The following ANK2 variants were observed in gnomAD, a reference collection of about 807,000 sequenced individuals.
ANK2 encodes the protein ankyrin-2.
Under a neutral mutation model 360.5 loss-of-function variants are expected in ANK2, and 83 were observed. The ratio of observed to expected loss-of-function variants is 0.23; its 90% CI spans 0.19 to 0.28. The LOEUF is 0.28. ANK2 is among the 10% of genes least tolerant of loss of function. The pLI is 1.00. For missense variants in ANK2, 4,201 were observed against 4,795.7 expected (o/e 0.88, Z 3.66); for synonymous variants, 1,740 against 1,759.5 (o/e 0.99, Z 0.28).
At chr4:112,796,431 AATATCTAT>A in the ANK2 span, among the ~76,000 whole-genome samples, 4 of 144,202 alleles carry the variant, frequency 2.8e-5, no homozygotes, top group South Asian at 4.6e-4. Context: ...CTCAAAAAAA[AATATCTAT>A]ATATCTATAT....
chr4:113,025,492 T>C (rs2059086458), intron 2 of ANK2, among the ~76,000 whole-genome samples: 1 of 152,208 alleles, frequency 6.6e-6, no homozygotes, highest in East Asian at 1.9e-4. Flanking sequence ...CTTTGTGCCT[T>C]ATGGATAAAC....
the ANK2 span, among the ~76,000 whole-genome samples, chr4:112,756,887 C>T: frequency 5.9e-5 from 9 of 151,752 alleles, no homozygotes; most frequent in Non-Finnish European, 1.2e-4. Flanking sequence ...GCAAGAGAAT[C>T]GCTTGAACCC....
At chr4:113,165,153 A>AT (rs1394677134) in intron 1 of ANK2, among the ~76,000 whole-genome samples, 3 of 152,284 alleles carry the variant, frequency 2.0e-5, no homozygotes, top group East Asian at 1.9e-4. Context: ...CTGGCAGAAC[A>AT]TTTTTTACAG....
chr4:113,302,067 G>A (rs1411712349), intron 22 of ANK2, among the ~76,000 whole-genome samples: 3 of 152,144 alleles, frequency 2.0e-5, no homozygotes, highest in African/African-American at 7.2e-5. Flanking sequence ...GGCACATGTA[G>A]GTTAGGGGAC....
intron 4 of ANK2, among the ~76,000 whole-genome samples, chr4:113,226,265 C>T (rs995826131): frequency 1.9e-4 from 29 of 152,152 alleles, no homozygotes; most frequent in Non-Finnish European, 4.4e-5. Flanking sequence ...ACCAATTCCT[C>T]GCAAGGCTTT....
chr4:112,865,272 A>G (rs566030450), intron 1 of ANK2, among the ~76,000 whole-genome samples: 5 of 152,222 alleles, frequency 3.3e-5, no homozygotes, highest in Admixed American at 3.3e-4. Context: ...AAACTGCAGT[A>G]AAGAAATTCA....
At chr4:112,812,517 A>G in the ANK2 span, among the ~76,000 whole-genome samples, 1 of 152,196 alleles carries the variant, frequency 6.6e-6, no homozygotes, top group Non-Finnish European at 1.5e-5. Context: ...AGACCTAATT[A>G]TTCCATTCCT....
At chr4:112,907,861 A>T (rs919631244) in intron 2 of ANK2, among the ~76,000 whole-genome samples, 4 of 152,138 alleles carry the variant, frequency 2.6e-5, no homozygotes, top group African/African-American at 9.7e-5. Context: ...GCTGACCAGG[A>T]TTACCAAAGT....
rs140923036 is a variant in ANK2, at chr4:113,230,132, G to C, written c.385-2029G>C. 4.8e-3 allele frequency among the ~76,000 whole-genome samples: 727 copies of C among 152,146 alleles called. 2 individuals carry two copies. Among genetic ancestry groups the C allele is most frequent in the African/African-American group, 0.016 (677 of 41,506 alleles). ...AAAAAATATGCTATCCAGCTAGCAA[G>C]TTATTCCTGAATCCTACAACGTTGT... is the stretch of plus-strand genomic sequence containing the variant. On this transcript the variant is annotated intron_variant, in intron 4 of 45. Coordinates refer to ENST00000357077, the MANE Select transcript of ANK2 (RefSeq NM_001148.6).
the ANK2 span, among the ~76,000 whole-genome samples, chr4:112,789,765 A>T: frequency 6.6e-6 from 1 of 152,186 alleles, no homozygotes. Flanking sequence ...GCTGCTAGAG[A>T]AGAAGGAAGA....
rs532055214 is a variant in ANK2, at chr4:113,235,898, C to T, written c.484-1089C>T. Among the ~76,000 whole-genome samples, 12 of 152,066 alleles carry T rather than the reference C, an allele frequency of 7.9e-5. No individual in the cohort carries two copies. The South Asian group carries it at 8.3e-4, about 11-fold the overall frequency. ...CTGGGACTACAGGCGCCTGCCACCA[C>T]GCCCGGCTAATTTTTGTGTTTTTAG... is the stretch of plus-strand genomic sequence containing the variant. On this transcript the variant is annotated intron_variant, in intron 5 of 45. Coordinates refer to ENST00000357077, the MANE Select transcript of ANK2 (RefSeq NM_001148.6).
chr4:113,287,766 A>T, intron 19 of ANK2, 63 bp downstream of exon 19: 2 of 1,398,884 alleles, frequency 1.4e-6, no homozygotes, highest in South Asian at 2.3e-5. Context: ...AGTAGCCCCC[A>T]TTCGGGTCAC....
the ANK2 span, among the ~76,000 whole-genome samples, chr4:112,774,121 G>A: frequency 2.0e-5 from 3 of 151,916 alleles, no homozygotes; most frequent in East Asian, 1.9e-4. Context: ...TTGAGCCACC[G>A]CGCCCAGCCG....
intron 1 of ANK2, chr4:113,117,200 T>C (rs897140878): frequency 9.6e-6 from 4 of 416,360 alleles, no homozygotes; most frequent in South Asian, 1.7e-5. Flanking sequence ...GTGGGGAAAA[T>C]CACATCTCCA....
At chr4:113,307,405 A>C (rs2153809916) in intron 23 of ANK2, among the ~76,000 whole-genome samples, 1 of 135,640 alleles carries the variant, frequency 7.4e-6, no homozygotes, top group Non-Finnish European at 1.5e-5. Context: ...AAGGGGAGCC[A>C]TTCCACCTTT....
At chr4:112,753,303 A>G in the ANK2 span, among the ~76,000 whole-genome samples, 1 of 152,254 alleles carries the variant, frequency 6.6e-6, no homozygotes, top group East Asian at 1.9e-4. Flanking sequence ...AGCTGGATAC[A>G]TATACAGCCA....
chr4:112,791,041 A>G, the ANK2 span, among the ~76,000 whole-genome samples: 1 of 152,244 alleles, frequency 6.6e-6, no homozygotes, highest in South Asian at 2.1e-4. Flanking sequence ...CTTTATTTGA[A>G]GAAAAATTCT....
rs911327354 is a variant in ANK2, at chr4:112,936,674, C to T, written c.21+32160C>T. ...TATCCATTTTTAAACTCGTTTTAGT[C>T]TTGCAAACTTATGAGGTACTATTAC... On this transcript the variant is annotated intron_variant, in intron 2 of 30. Transcript: ENST00000503271. 2.6e-5 allele frequency among the ~76,000 whole-genome samples: 4 copies of T among 152,112 alleles called. No individual in the cohort carries two copies. The South Asian group carries it at 8.3e-4, about 31-fold the overall frequency.
intron 2 of ANK2, among the ~76,000 whole-genome samples, chr4:112,934,567 AG>A (rs1337700243): frequency 7.2e-5 from 11 of 152,142 alleles, no homozygotes; most frequent in Non-Finnish European, 1.3e-4. Flanking sequence ...TTCCTCTTTC[AG>A]CCCCGCTTCC....
Sources: allele counts gnomAD v4.1 joint callset (sites outside exome capture counted in the v4.1 genomes callset), GRCh38; gene constraint gnomAD v4.1.1; transcripts MANE v1.5; gene names NCBI Gene and HGNC (gene_info 2026-07-23, HGNC 2026-07-21).